The following ANK3 variants were observed in gnomAD, a reference collection of about 807,000 sequenced individuals.
ANK3 encodes the protein ankyrin-3.
ANK3 carries 57 observed loss-of-function variants against 370.9 expected under a neutral mutation model. That is an observed-to-expected ratio of 0.15 (90% CI 0.12 to 0.19). The LOEUF (loss-of-function observed/expected upper bound fraction) is 0.19. Ranked by LOEUF, ANK3 falls within the 10% of genes least tolerant of loss-of-function variation. The pLI, the probability that ANK3 is intolerant of heterozygous loss-of-function variation, is 1.00. For missense variants in ANK3, 4,439 were observed against 5,302.1 expected, an observed-to-expected ratio of 0.84 and a Z score of 5.06; for synonymous variants, 1,929 against 1,946.3, an observed-to-expected ratio of 0.99 and a Z score of 0.23.
chr10:60,532,428 G>A (rs926182550), intron 2 of ANK3, among the ~76,000 whole-genome samples: 6 of 152,158 alleles, frequency 3.9e-5, no homozygotes, highest in Admixed American at 2.0e-4. Flanking sequence ...GGCAAGAGCC[G>A]AGTTCATGAG....
intron 36 of ANK3, 93 bp downstream of exon 36, chr10:60,080,444 T>C: frequency 9.0e-7 from 1 of 1,107,228 alleles, no homozygotes; most frequent in Non-Finnish European, 1.3e-6. Flanking sequence ...CTTTTGCCAT[T>C]GAGTTTCCAA....
chr10:60,515,656 A>C (rs549084297), intron 2 of ANK3, among the ~76,000 whole-genome samples: 7 of 152,210 alleles, frequency 4.6e-5, no homozygotes, highest in South Asian at 2.1e-4. Context: ...CTCCTTCAAC[A>C]CCAAGTTCCA....
intron 2 of ANK3, among the ~76,000 whole-genome samples, chr10:60,526,384 T>C (rs1052711871): frequency 5.3e-5 from 8 of 152,118 alleles, no homozygotes; most frequent in African/African-American, 1.9e-4. Flanking sequence ...GCTGAGGCGA[T>C]TATAAAATAT....
chr10:60,232,443 C>A (rs1350302252), intron 8 of ANK3, among the ~76,000 whole-genome samples: 1 of 152,122 alleles, frequency 6.6e-6, no homozygotes, highest in Non-Finnish European at 1.5e-5. Context: ...CCTTAAATAG[C>A]CTGCGCTTTT....
rs2082373303 is a variant in ANK3, at chr10:60,069,848, G to A, written c.11033C>T (p.Pro3678Leu). Residue 3678 changes from proline to leucine, a missense_variant, in exon 37 of 44, where the codon CCT becomes CTT. Pro to Leu is a moderately conservative substitution (Grantham distance 98, BLOSUM62 -3). Around this residue, in one of 13 missense-constraint regions of ANK3, gnomAD observed 496 missense variants for 529.3 expected, o/e 0.94. Transcript: ENST00000280772. ...GATGCTGGGGTTAGGTTCCACTGTA[G>A]GTGTCTCTACATTTCTCTCTAGATT... ...ETNLERNVET[P>L]TVEPNPSIPT... 1 of 1,613,904 alleles carries A rather than the reference G, an allele frequency of 6.2e-7. No individual in the cohort carries two copies. Among genetic ancestry groups the A allele is most frequent in the African/African-American group, 1.3e-5 (1 of 74,894 alleles).
In ANK3 at chr10:60,238,152, G is replaced by A. The variant is rs114030720; in HGVS notation, c.799-3366C>T. Among the ~76,000 whole-genome samples the A allele has an allele frequency of 5.2e-3, 792 of 152,226 alleles. 3 individuals carry two copies. The highest frequency in any genetic ancestry group is 6.2e-3 in the Admixed American group (95 of 15,286). ...AAGTGGTACCTCAGGGCCACTCAAC[G>A]GACTACTCATATTTTGATTCCTCAG... is the stretch of plus-strand genomic sequence containing the variant. On this transcript the variant is annotated intron_variant, in intron 7 of 43. Transcript: ENST00000280772.
chr10:60,693,162 G>C (rs1173755298), intron 1 of ANK3, among the ~76,000 whole-genome samples: 1 of 152,150 alleles, frequency 6.6e-6, no homozygotes, highest in East Asian at 1.9e-4. Flanking sequence ...TGGAAAATCG[G>C]GTCACTCCCA....
chr10:60,215,656 A>T (rs2096925667), intron 8 of ANK3, among the ~76,000 whole-genome samples: 2 of 151,746 alleles, frequency 1.3e-5, no homozygotes, highest in South Asian at 2.1e-4. Context: ...TTTGTTGAAG[A>T]TCAGATGATT....
chr10:60,714,876 G>A (rs146356890), intron 1 of ANK3, among the ~76,000 whole-genome samples: 13 of 152,182 alleles, frequency 8.5e-5, no homozygotes, highest in Admixed American at 5.2e-4. Flanking sequence ...TTAGGGCAGC[G>A]AAATTATTTA....
chr10:60,204,617 C>T (rs139021741), intron 11 of ANK3, among the ~76,000 whole-genome samples: 9 of 152,278 alleles, frequency 5.9e-5, no homozygotes, highest in Non-Finnish European at 1.3e-4. Flanking sequence ...TTTATGTTTG[C>T]TTCAAATCCT....
At chr10:60,676,750 G>A (rs1276007466) in intron 1 of ANK3, among the ~76,000 whole-genome samples, 2 of 152,140 alleles carry the variant, frequency 1.3e-5, no homozygotes, top group Admixed American at 1.3e-4. Context: ...TCAAAAGCAT[G>A]GGGTAAGGAG....
At chr10:60,667,949 A>G (rs1466268016) in intron 1 of ANK3, among the ~76,000 whole-genome samples, 1 of 151,506 alleles carries the variant, frequency 6.6e-6, no homozygotes, top group African/African-American at 2.5e-5. Flanking sequence ...GCTTGGGTTC[A>G]GATTGCTGGG....
At chr10:60,145,871 T>C (rs2094793645) in intron 23 of ANK3, 1 of 682,348 alleles carries the variant, frequency 1.5e-6, no homozygotes, top group Non-Finnish European at 2.7e-6. Flanking sequence ...ACCTGGCACA[T>C]AGTAGGTGCT....
intron 2 of ANK3, among the ~76,000 whole-genome samples, chr10:60,447,189 T>G (rs2064470891): frequency 1.3e-5 from 2 of 152,112 alleles, no homozygotes; most frequent in Non-Finnish European, 2.9e-5. Flanking sequence ...ACTAGAGGGC[T>G]TCCCTCAGAG....
chr10:60,342,542 G>T (rs1005627889), intron 1 of ANK3, among the ~76,000 whole-genome samples: 3 of 152,118 alleles, frequency 2.0e-5, no homozygotes, highest in Non-Finnish European at 2.9e-5. Flanking sequence ...CTGAGGCAAT[G>T]GTATTGGCAG....
intron 8 of ANK3, among the ~76,000 whole-genome samples, chr10:60,221,457 A>G (rs2097056317): frequency 6.6e-6 from 1 of 152,200 alleles, no homozygotes; most frequent in Non-Finnish European, 1.5e-5. Flanking sequence ...ACAGAATATT[A>G]TAACGAACCT....
intron 1 of ANK3, among the ~76,000 whole-genome samples, chr10:60,372,438 G>A (rs568371948): frequency 3.4e-4 from 29 of 85,856 alleles, no homozygotes; most frequent in Admixed American, 7.1e-4. Flanking sequence ...AACAGGGAGC[G>A]TTTAACTTGA....
At chr10:60,176,701 G>A (rs2095971107) in intron 18 of ANK3, among the ~76,000 whole-genome samples, 1 of 152,178 alleles carries the variant, frequency 6.6e-6, no homozygotes, top group African/African-American at 2.4e-5. Context: ...AGAGGTTGCA[G>A]TGAGCCAAGA....
intron 40 of ANK3, among the ~76,000 whole-genome samples, chr10:60,061,739 CTTT>C (rs35700139): frequency 6.9e-6 from 1 of 145,766 alleles, no homozygotes. Flanking sequence ...TTGACTTAAA[CTTT>C]TTTTTTTTTT....
Sources: gnomAD v4.1 joint callset for allele counts (sites outside exome capture counted in the v4.1 genomes callset) on GRCh38, gnomAD v4.1.1 for gene constraint, gnomAD v4.1.1 regional missense constraint, MANE v1.5 for transcripts, NCBI Gene and HGNC (gene_info 2026-07-23, HGNC 2026-07-21) for gene names.